Variants in SEMA3D observed in about 807,000 individuals in gnomAD.
SEMA3D encodes semaphorin-3D.
SEMA3D carries 84 observed loss-of-function variants against 100.1 expected under a neutral mutation model. The observed-to-expected ratio is 0.84, with a 90% CI of 0.70 to 1.01. SEMA3D has a LOEUF of 1.01. Among genes scored for constraint, SEMA3D ranks in the 50% least tolerant of loss-of-function variants. The pLI is 0.00. For missense variants in SEMA3D, 875 were observed against 934.1 expected (o/e 0.94, Z 0.82); for synonymous variants, 312 against 320.7 (o/e 0.97, Z 0.29).
At chr7:85,202,202 TC>T in the SEMA3D span, among the ~76,000 whole-genome samples, 1 of 84,072 alleles carries the variant, frequency 1.2e-5, no homozygotes, top group Non-Finnish European at 2.2e-5. Context: ...GTGCTATCCC[TC>T]CCCCCTCCCC....
intron 2 of SEMA3D, chr7:85,142,464 C>G (rs1458588241): frequency 1.0e-6 from 1 of 973,394 alleles, no homozygotes; most frequent in Non-Finnish European, 1.2e-6. Flanking sequence ...CAGATTACAT[C>G]AGGGAAATAA....
intron 3 of SEMA3D, among the ~76,000 whole-genome samples, chr7:85,104,897 C>G (rs1788866348): frequency 1.3e-5 from 2 of 151,976 alleles, no homozygotes; most frequent in African/African-American, 4.8e-5. Flanking sequence ...AGAAGCTTAA[C>G]TTCCAATGTA....
chr7:85,043,691 C>T (rs965316126), intron 9 of SEMA3D, among the ~76,000 whole-genome samples: 1 of 151,958 alleles, frequency 6.6e-6, no homozygotes, highest in Non-Finnish European at 1.5e-5. Context: ...CGGGTCTTTC[C>T]CATGCTGTTC....
At chr7:85,167,014 A>C (rs73379862) in intron 1 of SEMA3D, among the ~76,000 whole-genome samples, 1 of 151,972 alleles carries the variant, frequency 6.6e-6, no homozygotes, top group Non-Finnish European at 1.5e-5. Flanking sequence ...ACAAACTTTA[A>C]TTGAAAAAAT....
the SEMA3D span, among the ~76,000 whole-genome samples, chr7:85,247,610 A>C: frequency 6.6e-6 from 1 of 152,162 alleles, no homozygotes; most frequent in East Asian, 1.9e-4. Flanking sequence ...AATAGGAAAA[A>C]CAAAGTAGAA....
intron 8 of SEMA3D, among the ~76,000 whole-genome samples, chr7:85,061,602 G>T (rs1562801565): frequency 6.6e-6 from 1 of 152,020 alleles, no homozygotes; most frequent in Non-Finnish European, 1.5e-5. Flanking sequence ...ATTGACTTTG[G>T]ACCATAGGCT....
At chr7:85,139,720 G>T (rs1463933741) in intron 2 of SEMA3D, among the ~76,000 whole-genome samples, 1 of 151,952 alleles carries the variant, frequency 6.6e-6, no homozygotes, top group African/African-American at 2.4e-5. Context: ...ACATGGCATT[G>T]GTTGTAGGAT....
chr7:85,094,910 T>C (rs1788504888), intron 4 of SEMA3D, among the ~76,000 whole-genome samples: 1 of 151,902 alleles, frequency 6.6e-6, no homozygotes. Flanking sequence ...TAAGTCCCTA[T>C]AGAAATAGTC....
the SEMA3D span, among the ~76,000 whole-genome samples, chr7:85,238,356 T>C: frequency 6.6e-6 from 1 of 152,220 alleles, no homozygotes; most frequent in Non-Finnish European, 1.5e-5. Context: ...TATAGATCTA[T>C]GATCCACTTA....
chr7:85,095,132 A>G (rs1562815796), intron 4 of SEMA3D, among the ~76,000 whole-genome samples: 1 of 152,018 alleles, frequency 6.6e-6, no homozygotes, highest in East Asian at 1.9e-4. Flanking sequence ...TACTAATTAT[A>G]TACCTGCGCT....
chr7:85,110,713 ATTC>A (rs1789070650), intron 3 of SEMA3D, among the ~76,000 whole-genome samples: 1 of 152,066 alleles, frequency 6.6e-6, no homozygotes, highest in Admixed American at 6.6e-5. Context: ...ATTACCAATT[ATTC>A]TTCTTCTAGA....
chr7:85,184,859 C>T (rs943629532), intron 1 of SEMA3D, among the ~76,000 whole-genome samples: 3 of 152,220 alleles, frequency 2.0e-5, no homozygotes, highest in African/African-American at 7.2e-5. Flanking sequence ...CCCGTCTTAT[C>T]CGCTGGGGCG....
chr7:85,079,310 T>C (rs1244599575), intron 5 of SEMA3D, among the ~76,000 whole-genome samples: 1 of 152,180 alleles, frequency 6.6e-6, no homozygotes, highest in Non-Finnish European at 1.5e-5. Context: ...AAATGAAACA[T>C]TATTTTAAAC....
intron 5 of SEMA3D, among the ~76,000 whole-genome samples, chr7:85,078,742 A>C (rs745380875): frequency 1.3e-5 from 2 of 152,182 alleles, no homozygotes; most frequent in Non-Finnish European, 2.9e-5. Context: ...CATTAGGGTA[A>C]ATAATTCACT....
chr7:85,239,046 G>A, the SEMA3D span, among the ~76,000 whole-genome samples: 2 of 151,936 alleles, frequency 1.3e-5, no homozygotes, highest in South Asian at 4.2e-4. Flanking sequence ...CATTCTCGTT[G>A]CCATCAGGTA....
At chr7:85,082,361 T>C (rs1253389338) in intron 4 of SEMA3D, among the ~76,000 whole-genome samples, 1 of 152,224 alleles carries the variant, frequency 6.6e-6, no homozygotes, top group Admixed American at 6.5e-5. Flanking sequence ...GCTTTTTTCT[T>C]TCTTTTAAAT....
At position 85,039,797 on chromosome 7, in the gene SEMA3D, G is replaced by A. The variant is rs138015890; in HGVS notation, c.1046+876C>T. ...CACACCTGTCTTTGTAGGGTAACTG[G>A]GAAATGATAATAGGACAGCATGTGA... On this transcript the variant is annotated intron_variant, in intron 11 of 18. Coordinates refer to ENST00000284136, the MANE Select transcript of SEMA3D (RefSeq NM_001384900.1). 1.7e-3 allele frequency among the ~76,000 whole-genome samples: 263 copies of A among 152,074 alleles called. 2 individuals are homozygous for A. The highest frequency in any genetic ancestry group is 3.4e-3 in the Middle Eastern group (1 of 294).
intron 1 of SEMA3D, chr7:85,157,820 C>T (rs572742273): frequency 3.0e-4 from 47 of 157,560 alleles, no homozygotes; most frequent in South Asian, 6.1e-4. Context: ...GGACCCTGAA[C>T]GTAGGGACCG....
chr7:85,141,570 T>C, intron 2 of SEMA3D: 1 of 984,742 alleles, frequency 1.0e-6, no homozygotes, highest in Non-Finnish European at 1.2e-6. Context: ...ATTACTGAAA[T>C]TTAAATTACT....
Sources: gnomAD v4.1 joint callset for allele counts (sites outside exome capture counted in the v4.1 genomes callset) on GRCh38, gnomAD v4.1.1 for gene constraint, MANE v1.5 for transcripts, NCBI Gene and HGNC (gene_info 2026-07-23, HGNC 2026-07-21) for gene names.